TLK2: variants seen among roughly 807,000 people sequenced by gnomAD.
TLK2 encodes the protein serine/threonine-protein kinase tousled-like 2.
A neutral mutation model predicts 117.3 loss-of-function variants in TLK2; 6 were observed. That is an observed-to-expected ratio of 0.05 (90% CI 0.03 to 0.10). The LOEUF (loss-of-function observed/expected upper bound fraction) is 0.10, where lower values mean the gene tolerates loss of function less well. Ranked by LOEUF, TLK2 falls within the 10% of genes least tolerant of loss-of-function variation. The probability of loss-of-function intolerance (pLI) is 1.00; values close to 1 mark genes in which losing one functional copy is unlikely to be tolerated. For synonymous variants in TLK2, 257 were observed against 316.7 expected (o/e 0.81, Z 2.00); for missense variants, 299 against 901.2 (o/e 0.33, Z 8.56).
At chr17:62,557,375 A>G (rs1234982062) in intron 9 of TLK2, among the ~76,000 whole-genome samples, 1 of 152,094 alleles carries the variant, frequency 6.6e-6, no homozygotes, top group Non-Finnish European at 1.5e-5. Context: ...GTATTCTAAA[A>G]TGTTCTTTTG....
At chr17:62,544,469 G>A (rs1438914597) in intron 7 of TLK2, among the ~76,000 whole-genome samples, 1 of 152,126 alleles carries the variant, frequency 6.6e-6, no homozygotes, top group African/African-American at 2.4e-5. Flanking sequence ...GGGGAAATAT[G>A]CCCTCGTGAT....
upstream of TLK2, among the ~76,000 whole-genome samples, chr17:62,476,533 A>G (rs1438825079): frequency 6.6e-6 from 1 of 151,932 alleles, no homozygotes; most frequent in Non-Finnish European, 1.5e-5. Context: ...CAGCAAGCTG[A>G]GATTGTGCCA....
intron 1 of TLK2, among the ~76,000 whole-genome samples, chr17:62,471,921 C>CTTTTTTTT (rs2070949775): frequency 3.6e-5 from 1 of 27,930 alleles, no homozygotes; most frequent in African/African-American, 1.1e-4. Flanking sequence ...TTTTTTTAGA[C>CTTTTTTTT]AGAGTCTTAC....
In TLK2 at chr17:62,612,580, C is replaced by T. The variant is rs2083888050; in HGVS notation, c.*15C>T. ...CTTCTAATTGAGACTGACTCCAAGG[C>T]CACAAACTGTTCAACACACACAAAG... On this transcript the variant is annotated 3_prime_UTR_variant, in exon 22 of 22. Coordinates refer to ENST00000346027, the MANE Select transcript of TLK2 (RefSeq NM_006852.6). The T allele has an allele frequency of 6.2e-7, 1 of 1,602,112 alleles. No homozygotes were observed. Among genetic ancestry groups the T allele is most frequent in the Non-Finnish European group, 8.5e-7 (1 of 1,172,958 alleles).
chr17:62,522,320 T>G, intron 4 of TLK2, 47 bp downstream of exon 4: 1 of 1,566,988 alleles, frequency 6.4e-7, no homozygotes, highest in Non-Finnish European at 8.7e-7. Flanking sequence ...CTAATGTACT[T>G]AGATAGAATT....
At chr17:62,475,116 A>G (rs890216257), upstream of TLK2, among the ~76,000 whole-genome samples, 1 of 152,156 alleles carries the variant, frequency 6.6e-6, no homozygotes, top group Non-Finnish European at 1.5e-5. Flanking sequence ...TAGGAATTGG[A>G]AGAAGAGAGG....
chr17:62,473,553 T>TA (rs1252925061), intron 1 of TLK2, among the ~76,000 whole-genome samples: 5 of 152,174 alleles, frequency 3.3e-5, no homozygotes, highest in Non-Finnish European at 7.3e-5. Context: ...GGAAAGTTGT[T>TA]AGACATACAA....
At chr17:62,528,245 T>C (rs1259753948) in intron 6 of TLK2, among the ~76,000 whole-genome samples, 1 of 152,182 alleles carries the variant, frequency 6.6e-6, no homozygotes, top group South Asian at 2.1e-4. Context: ...GAAGAATAGA[T>C]GGATAAAAAA....
intron 2 of TLK2, among the ~76,000 whole-genome samples, chr17:62,520,357 GA>G (rs1231270913): frequency 6.6e-5 from 10 of 152,238 alleles, no homozygotes; most frequent in African/African-American, 2.4e-4. Flanking sequence ...GAGAAACACT[GA>G]AGTCGCATTC....
chr17:62,608,007 A>G, intron 20 of TLK2, 34 bp from the exon 21 acceptor site: 1 of 1,545,988 alleles, frequency 6.5e-7, no homozygotes, highest in African/African-American at 1.4e-5. Flanking sequence ...TTTTCATCAG[A>G]GGCCTACATT....
intron 21 of TLK2, among the ~76,000 whole-genome samples, chr17:62,610,625 C>T (rs2083676468): frequency 6.6e-6 from 1 of 152,112 alleles, no homozygotes; most frequent in South Asian, 2.1e-4. Context: ...CCATGATTTG[C>T]AGGAGCCGTT....
chr17:62,567,498 C>T (rs2079891540), intron 11 of TLK2, among the ~76,000 whole-genome samples: 1 of 152,192 alleles, frequency 6.6e-6, no homozygotes, highest in African/African-American at 2.4e-5. Flanking sequence ...TCTGTGTCTT[C>T]TCTTGGGAAG....
At chr17:62,598,740 G>A (rs1054621635) in intron 17 of TLK2, among the ~76,000 whole-genome samples, 1 of 151,968 alleles carries the variant, frequency 6.6e-6, no homozygotes, top group African/African-American at 2.4e-5. Context: ...GGGCAGGCTG[G>A]TCTTGAACTC....
intron 6 of TLK2, among the ~76,000 whole-genome samples, chr17:62,533,890 A>C (rs1336553700): frequency 1.3e-5 from 2 of 152,124 alleles, no homozygotes; most frequent in African/African-American, 4.8e-5. Context: ...AAAGGTAGGA[A>C]TCTTCTTTTC....
At chr17:62,540,399 A>ATTTTTTTTTTTTTTTTTTTTT (rs1567879183) in intron 7 of TLK2, among the ~76,000 whole-genome samples, 2 of 13,380 alleles carry the variant, frequency 1.5e-4, no homozygotes, top group African/African-American at 1.9e-4. Flanking sequence ...ATATGTTCAG[A>ATTTTTTTTTTTTTTTTTTTTT]ATTTTTTTTT....
chr17:62,567,098 C>G (rs957491385), intron 11 of TLK2, among the ~76,000 whole-genome samples: 2 of 152,048 alleles, frequency 1.3e-5, no homozygotes, highest in Non-Finnish European at 2.9e-5. Context: ...TGTGGTGGCA[C>G]ACACCTGTGG....
chr17:62,563,659 G>A (rs753561484), intron 10 of TLK2, among the ~76,000 whole-genome samples: 9 of 152,074 alleles, frequency 5.9e-5, no homozygotes, highest in South Asian at 2.1e-4. Flanking sequence ...ATTCTTTACC[G>A]CGTCTGTACT....
At chr17:62,508,336 A>G (rs2074887751) in intron 2 of TLK2, 1 of 684,542 alleles carries the variant, frequency 1.5e-6, no homozygotes, top group Non-Finnish European at 1.8e-6. Flanking sequence ...ACATAGTTAA[A>G]CTTAAATAAT....
At chr17:62,588,185 G>A (rs989492971) in intron 16 of TLK2, among the ~76,000 whole-genome samples, 3 of 149,560 alleles carry the variant, frequency 2.0e-5, no homozygotes, top group Admixed American at 6.7e-5. Context: ...ATACATATAC[G>A]TCTCCTGTGC....
Sources: gnomAD v4.1 joint callset for allele counts (sites outside exome capture counted in the v4.1 genomes callset) on GRCh38, gnomAD v4.1.1 for gene constraint, MANE v1.5 for transcripts, NCBI Gene and HGNC (gene_info 2026-07-23, HGNC 2026-07-21) for gene names.